The following WDR70 variants were observed in gnomAD, a reference collection of about 807,000 sequenced individuals.
WDR70 encodes WD repeat-containing protein 70.
A neutral mutation model predicts 88.6 loss-of-function variants in WDR70; 53 were observed. The observed-to-expected ratio is 0.60, with a 90% CI of 0.48 to 0.75. The LOEUF (loss-of-function observed/expected upper bound fraction) is 0.75, where lower values mean the gene tolerates loss of function less well. Among genes scored for constraint, WDR70 ranks in the 30% least tolerant of loss-of-function variants. The pLI, the probability that WDR70 is intolerant of heterozygous loss-of-function variation, is 0.00. For synonymous variants in WDR70, 280 were observed against 270.0 expected, an observed-to-expected ratio of 1.04 and a Z score of -0.36; for missense variants, 610 against 823.2, an observed-to-expected ratio of 0.74 and a Z score of 3.17.
At position 37,518,739 on chromosome 5, in the gene WDR70, G is replaced by GGATGT. The variant is rs1261394404; in HGVS notation, c.917+2151_917+2155dup. On this transcript the variant is annotated intron_variant, in intron 9 of 17. Transcript: ENST00000265107. ...ATTCTTGGGTGTTTCTCGGAGAGGG[G>GGATGT]GATGTGGCAGGGTCATAGGATAATA... Among the ~76,000 whole-genome samples the GGATGT allele has an allele frequency of 6.0e-5, 9 of 150,986 alleles. 2 individuals carry two copies. The highest frequency in any genetic ancestry group is 2.2e-4 in the African/African-American group (9 of 41,070).
At chr5:37,667,625 G>A (rs964572387) in intron 10 of WDR70, among the ~76,000 whole-genome samples, 15 of 152,180 alleles carry the variant, frequency 9.9e-5, no homozygotes, top group Admixed American at 5.2e-4. Context: ...TTGCTGGATT[G>A]CATAGCCTTA....
chr5:37,552,099 C>A (rs1479194572), intron 9 of WDR70, among the ~76,000 whole-genome samples: 1 of 151,888 alleles, frequency 6.6e-6, no homozygotes, highest in Non-Finnish European at 1.5e-5. Flanking sequence ...TTATGTCAAC[C>A]AGATAATTTA....
intron 10 of WDR70, among the ~76,000 whole-genome samples, chr5:37,694,429 C>T (rs1362949507): frequency 6.6e-6 from 1 of 152,148 alleles, no homozygotes; most frequent in Non-Finnish European, 1.5e-5. Context: ...TTCACAATAG[C>T]AAAGACTTGG....
intron 10 of WDR70, among the ~76,000 whole-genome samples, chr5:37,674,486 C>A (rs1189988264): frequency 6.6e-6 from 1 of 151,944 alleles, no homozygotes; most frequent in Non-Finnish European, 1.5e-5. Context: ...TGCGGTGTTT[C>A]ATTTTTTGTC....
At chr5:37,389,567 A>G (rs1024327136) in intron 3 of WDR70, among the ~76,000 whole-genome samples, 4 of 152,004 alleles carry the variant, frequency 2.6e-5, no homozygotes, top group African/African-American at 9.7e-5. Flanking sequence ...GGCTGCCACC[A>G]CGCCTGGCTA....
At chr5:37,485,070 G>A (rs563667085) in intron 8 of WDR70, among the ~76,000 whole-genome samples, 14 of 152,284 alleles carry the variant, frequency 9.2e-5, no homozygotes, top group Middle Eastern at 3.4e-3. Flanking sequence ...CAATAATGTC[G>A]TCTGCCACAA....
At chr5:37,645,997 C>T (rs1183358036) in intron 10 of WDR70, among the ~76,000 whole-genome samples, 1 of 151,896 alleles carries the variant, frequency 6.6e-6, no homozygotes, top group Non-Finnish European at 1.5e-5. Flanking sequence ...GGAATTACTC[C>T]TGCCATTTTT....
intron 8 of WDR70, among the ~76,000 whole-genome samples, chr5:37,483,930 G>A (rs1414478902): frequency 4.0e-5 from 6 of 151,786 alleles, no homozygotes; most frequent in Non-Finnish European, 8.8e-5. Flanking sequence ...TCGCGGCCGG[G>A]CAGAGGCGCT....
intron 10 of WDR70, among the ~76,000 whole-genome samples, chr5:37,673,583 A>ACCCCCCCTCC (rs1746094993): frequency 1.3e-5 from 1 of 76,228 alleles, no homozygotes; most frequent in African/African-American, 5.4e-5. Context: ...GACTTTTCTT[A>ACCCCCCCTCC]CCCCCCCCCC....
At chr5:37,643,141 A>G (rs1745149515) in intron 10 of WDR70, among the ~76,000 whole-genome samples, 1 of 151,966 alleles carries the variant, frequency 6.6e-6, no homozygotes, top group Non-Finnish European at 1.5e-5. Context: ...TAAGTCTTTA[A>G]TTTTTTATTT....
intron 10 of WDR70, among the ~76,000 whole-genome samples, chr5:37,617,788 T>G (rs1744386543): frequency 6.6e-6 from 1 of 152,194 alleles, no homozygotes; most frequent in Non-Finnish European, 1.5e-5. Context: ...GCTTTCATAG[T>G]CTAATTTTAA....
At chr5:37,400,948 T>C (rs1407026821) in intron 5 of WDR70, among the ~76,000 whole-genome samples, 1 of 152,124 alleles carries the variant, frequency 6.6e-6, no homozygotes. Context: ...CCAGAAAGTA[T>C]GAATAAATAC....
chr5:37,724,738 C>T, intron 15 of WDR70, 196 bp from the exon 16 acceptor site: 2 of 571,884 alleles, frequency 3.5e-6, no homozygotes, highest in Non-Finnish European at 6.2e-6. Flanking sequence ...GTGCTGTTAG[C>T]TGCCAGGAGA....
At chr5:37,422,969 A>G (rs1393504460) in intron 5 of WDR70, among the ~76,000 whole-genome samples, 5 of 152,116 alleles carry the variant, frequency 3.3e-5, no homozygotes, top group African/African-American at 1.2e-4. Flanking sequence ...GAATGTTGTG[A>G]AAAGTTTTTG....
intron 13 of WDR70, among the ~76,000 whole-genome samples, chr5:37,705,488 T>A (rs546029523): frequency 6.6e-6 from 1 of 152,184 alleles, no homozygotes; most frequent in Admixed American, 6.5e-5. Flanking sequence ...TCCTATTAAA[T>A]TGTTGATTTA....
chr5:37,710,738 A>T (rs558913442), intron 13 of WDR70, among the ~76,000 whole-genome samples: 1 of 152,310 alleles, frequency 6.6e-6, no homozygotes, highest in South Asian at 2.1e-4. Context: ...AGGAAAACTC[A>T]GTTGGACTGA....
chr5:37,528,053 T>C (rs976671070), intron 9 of WDR70, among the ~76,000 whole-genome samples: 30 of 152,194 alleles, frequency 2.0e-4, no homozygotes, highest in African/African-American at 7.0e-4. Flanking sequence ...AGGTCAACCA[T>C]TTTGGAAAAC....
intron 8 of WDR70, among the ~76,000 whole-genome samples, chr5:37,487,619 A>ATTTTTTTTTTT (rs1739918883): frequency 5.3e-5 from 5 of 93,544 alleles, no homozygotes; most frequent in African/African-American, 1.7e-4. Context: ...ATATATATAT[A>ATTTTTTTTTTT]TATATGTATT....
chr5:37,747,307 A>G (rs1481526658), intron 17 of WDR70, among the ~76,000 whole-genome samples: 1 of 152,170 alleles, frequency 6.6e-6, no homozygotes, highest in Non-Finnish European at 1.5e-5. Flanking sequence ...AAATGCAAAT[A>G]AAACCACGAG....
Sources: allele counts gnomAD v4.1 joint callset (sites outside exome capture counted in the v4.1 genomes callset), GRCh38; gene constraint gnomAD v4.1.1; transcripts MANE v1.5; gene names NCBI Gene and HGNC (gene_info 2026-07-23, HGNC 2026-07-21).